The following BCAR1 variants were observed in gnomAD, a reference collection of about 807,000 sequenced individuals.
BCAR1 encodes the protein breast cancer anti-estrogen resistance protein 1.
In BCAR1, 30 loss-of-function variants were observed where a neutral mutation model predicts 67.6. That is an observed-to-expected ratio of 0.44 (90% CI 0.33 to 0.60). The LOEUF (loss-of-function observed/expected upper bound fraction) is 0.60, where lower values mean the gene tolerates loss of function less well. BCAR1 is among the 20% of genes least tolerant of loss of function. BCAR1 has a pLI of 0.02. For missense variants in BCAR1, 1,313 were observed against 1,222.3 expected (o/e 1.07, Z -1.11); for synonymous variants, 626 against 556.7 (o/e 1.12, Z -1.75).
chr16:75,243,157 C>T, intron 1 of BCAR1, 67 bp from the exon 2 acceptor site: 1 of 1,489,704 alleles, frequency 6.7e-7, no homozygotes, highest in Admixed American at 2.1e-5. Flanking sequence ...CTCCCCAGCT[C>T]CTGCCCTGCT....
upstream of BCAR1, among the ~76,000 whole-genome samples, chr16:75,255,217 G>A (rs2077748245): frequency 6.6e-6 from 1 of 152,214 alleles, no homozygotes; most frequent in Admixed American, 6.5e-5. Context: ...ACAGTGTAAA[G>A]GCACACAGCC....
chr16:75,238,262 C>T (rs1437640059), intron 2 of BCAR1: 31 of 1,164,900 alleles, frequency 2.7e-5, no homozygotes, highest in Non-Finnish European at 3.1e-5. Context: ...GAGGTCAAGG[C>T]CTCCCTGGTG....
Position 75,242,800 on chromosome 16 carries a change from G to A in BCAR1, c.303C>T (p.Pro101=), listed in dbSNP as rs762054676. 28 of 1,601,796 alleles carry A rather than the reference G, an allele frequency of 1.7e-5. No homozygotes were observed. The highest frequency in any genetic ancestry group is 2.1e-5 in the Non-Finnish European group (25 of 1,174,288). Residue 101 remains proline (P), a synonymous_variant, in exon 2 of 7, where the codon CCC becomes CCT. Coordinates refer to ENST00000162330, the MANE Select transcript of BCAR1 (RefSeq NM_014567.5). ...APAPPASQYT[P]MLPNTYQPQP... ...GGGGCTGGTAGGTGTTGGGGAGCAT[G>A]GGCGTGTACTGGGAGGCCGGAGGCG... is the stretch of plus-strand genomic sequence containing the variant.
chr16:75,257,497 G>C (rs146555010), intron 1 of BCAR1, among the ~76,000 whole-genome samples: 4,557 of 152,168 alleles, frequency 0.03, 98 homozygotes, highest in Middle Eastern at 0.12. Flanking sequence ...CTCTGTCACC[G>C]AGGCTGGAGT....
At chr16:75,231,373 C>G (rs2076894255) in intron 6 of BCAR1, among the ~76,000 whole-genome samples, 1 of 152,202 alleles carries the variant, frequency 6.6e-6, no homozygotes, top group South Asian at 2.1e-4. Context: ...GCGTGAGCCA[C>G]TGCACCCAGC....
chr16:75,252,544 G>T, upstream of BCAR1: 2 of 800,292 alleles, frequency 2.5e-6, no homozygotes, highest in Non-Finnish European at 3.7e-6. Context: ...GAGCCCCTGG[G>T]CCAGGCCAGG....
At chr16:75,266,112 G>T in intron 1 of BCAR1, 1 of 897,378 alleles carries the variant, frequency 1.1e-6, no homozygotes, top group Non-Finnish European at 1.3e-6. Flanking sequence ...CGGCGGGGAG[G>T]CGCGGTCTCC....
At chr16:75,252,483 C>T (rs1450606990), upstream of BCAR1, 7 of 1,338,810 alleles carry the variant, frequency 5.2e-6, no homozygotes, top group African/African-American at 7.4e-5. Flanking sequence ...TTGCCCCTTG[C>T]TCGGTTGCAG....
At chr16:75,255,974 G>A (rs1597273798), upstream of BCAR1, among the ~76,000 whole-genome samples, 1 of 152,250 alleles carries the variant, frequency 6.6e-6, no homozygotes, top group South Asian at 2.1e-4. Flanking sequence ...CTGGGCGAGA[G>A]AGCGAAACTA....
At chr16:75,238,179 C>T in intron 2 of BCAR1, 1 of 1,249,170 alleles carries the variant, frequency 8.0e-7, no homozygotes, top group Non-Finnish European at 1.0e-6. Context: ...CAGGACCCCT[C>T]ACCAGCACCA....
chr16:75,230,158 G>A lies in BCAR1; in HGVS notation c.2101-135C>T, dbSNP rs1021701378. 6 of 1,112,438 alleles carry A rather than the reference G, an allele frequency of 5.4e-6. No homozygotes were observed. The South Asian group carries it at 6.0e-5, about 11-fold the overall frequency. The allele number at this position is 1,112,438 out of a possible 1,614,324, so 68.9% of individuals were successfully genotyped here. ...AGTGCATGGGACTGCAGGGAAACGGGCAGTCTCCTCTCCCGGGGACGGGAC... is the reference window on the plus strand; with the variant it reads ...AGTGCATGGGACTGCAGGGAAACGGACAGTCTCCTCTCCCGGGGACGGGAC... On this transcript the variant is annotated intron_variant, in intron 6 of 6. Transcript: ENST00000162330.
intron 6 of BCAR1, among the ~76,000 whole-genome samples, chr16:75,231,275 G>C (rs1375920176): frequency 6.6e-6 from 1 of 151,942 alleles, no homozygotes; most frequent in East Asian, 1.9e-4. Context: ...GGTAAAGATG[G>C]GGTTTCACCA....
chr16:75,262,960 C>A (rs1275010267), intron 1 of BCAR1, among the ~76,000 whole-genome samples: 4 of 152,210 alleles, frequency 2.6e-5, no homozygotes, highest in Non-Finnish European at 5.9e-5. Flanking sequence ...AAGTAGAGGC[C>A]ATGCAGGACG....
upstream of BCAR1, among the ~76,000 whole-genome samples, chr16:75,253,478 T>A (rs2077717013): frequency 6.6e-6 from 1 of 151,972 alleles, no homozygotes; most frequent in African/African-American, 2.4e-5. Context: ...AGGAGGGCGG[T>A]GCAGAGAGGA....
At chr16:75,266,030 CA>C in intron 1 of BCAR1, 1 of 1,028,760 alleles carries the variant, frequency 9.7e-7, no homozygotes, top group South Asian at 4.6e-5. Context: ...CCGCCCCCCC[CA>C]CCGTCTCCGC....
upstream of BCAR1, among the ~76,000 whole-genome samples, chr16:75,253,624 T>G (rs1479770714): frequency 6.6e-6 from 1 of 151,868 alleles, no homozygotes; most frequent in Non-Finnish European, 1.5e-5. Context: ...TTTCAAAAAT[T>G]TGCTCCTTTT....
At chr16:75,259,487 A>C (rs2077850269) in intron 1 of BCAR1, among the ~76,000 whole-genome samples, 1 of 152,152 alleles carries the variant, frequency 6.6e-6, no homozygotes, top group African/African-American at 2.4e-5. Flanking sequence ...AGGTAGAGAC[A>C]GATATCCATC....
At chr16:75,252,413 G>T, upstream of BCAR1, 1 of 1,453,772 alleles carries the variant, frequency 6.9e-7, no homozygotes, top group Non-Finnish European at 9.1e-7. Flanking sequence ...GGGAATGAGG[G>T]AGATAGAAGG....
intron 6 of BCAR1, among the ~76,000 whole-genome samples, chr16:75,232,361 T>A (rs1304162125): frequency 6.6e-6 from 1 of 152,270 alleles, no homozygotes. Flanking sequence ...GGTTTTGCCA[T>A]GTTGACCAGG....
Sources: gnomAD v4.1 joint callset for allele counts (sites outside exome capture counted in the v4.1 genomes callset) on GRCh38, gnomAD v4.1.1 for gene constraint, MANE v1.5 for transcripts, NCBI Gene and HGNC (gene_info 2026-07-23, HGNC 2026-07-21) for gene names.